YTHDC2: variants seen among roughly 807,000 people sequenced by gnomAD.
YTHDC2 encodes 3'-5' RNA helicase YTHDC2.
Under a neutral mutation model 174.9 loss-of-function variants are expected in YTHDC2, and 45 were observed. That is an observed-to-expected ratio of 0.26 (90% CI 0.20 to 0.33). The LOEUF (loss-of-function observed/expected upper bound fraction) is 0.33. Among genes scored for constraint, YTHDC2 ranks in the 10% least tolerant of loss-of-function variants. The probability of loss-of-function intolerance (pLI) is 1.00; values close to 1 mark genes in which losing one functional copy is unlikely to be tolerated. For missense variants in YTHDC2, 1,650 were observed against 1,723.7 expected (o/e 0.96, Z 0.76); for synonymous variants, 657 against 574.5 (o/e 1.14, Z -2.05).
At chr5:113,557,883 GT>G (rs1474761255) in intron 17 of YTHDC2, among the ~76,000 whole-genome samples, 3 of 152,212 alleles carry the variant, frequency 2.0e-5, no homozygotes, top group African/African-American at 7.2e-5. Context: ...TTCAACAAAT[GT>G]TTATCAAAAG....
At chr5:113,538,802 C>T (rs563380790) in intron 7 of YTHDC2, among the ~76,000 whole-genome samples, 2 of 152,210 alleles carry the variant, frequency 1.3e-5, no homozygotes, top group South Asian at 2.1e-4. Flanking sequence ...TTTCCTCTTA[C>T]AATTTCTACT....
intron 20 of YTHDC2, among the ~76,000 whole-genome samples, chr5:113,565,397 T>C (rs951634202): frequency 2.6e-5 from 4 of 152,198 alleles, no homozygotes; most frequent in African/African-American, 9.6e-5. Context: ...TTCAGTCTTT[T>C]AGTTATATAT....
chr5:113,538,779 G>A (rs978864402), intron 7 of YTHDC2, among the ~76,000 whole-genome samples: 2 of 152,024 alleles, frequency 1.3e-5, no homozygotes, highest in African/African-American at 4.8e-5. Flanking sequence ...CCAGGGAACA[G>A]GAAATAGCTC....
rs879098148 is a variant in YTHDC2 at position 113,548,900 on chromosome 5, A to G, written c.1623-55A>G. The G allele has an allele frequency of 2.6e-5, 40 of 1,539,344 alleles. No individual in the cohort carries two copies. In the South Asian group the frequency reaches 4.7e-4, roughly 18 times the overall value. On this transcript the variant is annotated intron_variant, in intron 11 of 29. Coordinates refer to ENST00000161863, the MANE Select transcript of YTHDC2 (RefSeq NM_022828.5). ...GGTCTTGATGTTGCCCAGGCTCATC[A>G]TGAACTAGTTTTACAATTTTGATGA...
intron 2 of YTHDC2, among the ~76,000 whole-genome samples, chr5:113,524,102 C>T (rs1774055493): frequency 6.6e-6 from 1 of 152,052 alleles, no homozygotes; most frequent in Non-Finnish European, 1.5e-5. Context: ...GGGCTCAGAG[C>T]CATTAAGTAG....
chr5:113,541,353 A>G (rs1395494526), intron 9 of YTHDC2, among the ~76,000 whole-genome samples: 2 of 151,932 alleles, frequency 1.3e-5, no homozygotes, highest in African/African-American at 2.4e-5. Flanking sequence ...CACCATGTCC[A>G]GCTAAATTTT....
At chr5:113,579,759 TATG>T in intron 24 of YTHDC2, 64 bp downstream of exon 24, 1 of 1,422,040 alleles carries the variant, frequency 7.0e-7, no homozygotes, top group Non-Finnish European at 9.3e-7. Context: ...TGATATATAA[TATG>T]ATAAAATTTT....
intron 16 of YTHDC2, among the ~76,000 whole-genome samples, chr5:113,554,569 G>C (rs1776474154): frequency 7.5e-6 from 1 of 133,334 alleles, no homozygotes; most frequent in Non-Finnish European, 1.5e-5. Flanking sequence ...CTTAACACTT[G>C]CTTTTGTAAA....
intron 17 of YTHDC2, among the ~76,000 whole-genome samples, chr5:113,558,861 G>A (rs1776775265): frequency 6.7e-6 from 1 of 149,502 alleles, no homozygotes; most frequent in African/African-American, 2.5e-5. Context: ...GGCAGAGGCT[G>A]CATTGAGCCG....
chr5:113,552,683 G>A (rs895041514), intron 12 of YTHDC2, among the ~76,000 whole-genome samples: 1 of 151,970 alleles, frequency 6.6e-6, no homozygotes, highest in African/African-American at 2.4e-5. Flanking sequence ...ACCTAGGAGT[G>A]GAATTGCTGG....
Position 113,593,320 on chromosome 5 carries a change from T to G in YTHDC2, c.4230T>G (p.Val1410=). 2.5e-6 allele frequency: 4 copies of G among 1,612,736 alleles called. No homozygotes were observed. The highest frequency in any genetic ancestry group is 3.4e-6 in the Non-Finnish European group (4 of 1,179,072). ...TTATCTAGGAACTAGAACCTCTGGTTGGTGAACAGTTGCTCCAGTTATGGG... is the reference window on the plus strand; with the variant it reads ...TTATCTAGGAACTAGAACCTCTGGTGGGTGAACAGTTGCTCCAGTTATGGG... ...SRDGQELEPL[V]GEQLLQLWER... Residue 1410 remains valine (V), a synonymous_variant, in exon 29 of 30, where the codon GTT becomes GTG. Coordinates refer to ENST00000161863, the MANE Select transcript of YTHDC2 (RefSeq NM_022828.5).
chr5:113,592,049 C>A lies in YTHDC2; in HGVS notation c.4083C>A (p.Gly1361=), dbSNP rs375392392. 5.0e-6 allele frequency: 8 copies of A among 1,612,646 alleles called. No homozygotes were observed. In the African/African-American group the frequency reaches 9.4e-5, roughly 19 times the overall value. ...EIGREKSQDW[G]SAGLGGVFKV... ...GAAGGGAAAAGAGTCAGGACTGGGGCTCTGCTGGACTAGGAGGAGTATTTA... is the reference window on the plus strand; with the variant it reads ...GAAGGGAAAAGAGTCAGGACTGGGGATCTGCTGGACTAGGAGGAGTATTTA... The change falls in exon 28 of 30, where the codon GGC becomes GGA. Residue 1361 remains glycine, a synonymous_variant. Coordinates refer to ENST00000161863, the MANE Select transcript of YTHDC2 (RefSeq NM_022828.5).
intron 9 of YTHDC2, 123 bp from the exon 10 acceptor site, chr5:113,542,245 C>G (rs1426433243): frequency 3.0e-6 from 3 of 1,009,906 alleles, no homozygotes; most frequent in African/African-American, 3.3e-5. Flanking sequence ...TTTTTTATGT[C>G]AAAGCATTTG....
At chr5:113,518,151 G>C (rs903965772) in intron 2 of YTHDC2, among the ~76,000 whole-genome samples, 2 of 149,968 alleles carry the variant, frequency 1.3e-5, no homozygotes, top group Admixed American at 1.3e-4. Flanking sequence ...GCCTCCCAAA[G>C]TGCTGGGATT....
intron 11 of YTHDC2, 97 bp from the exon 12 acceptor site, chr5:113,548,857 AT>A: frequency 1.6e-6 from 2 of 1,240,946 alleles, no homozygotes; most frequent in South Asian, 1.9e-5. Flanking sequence ...TTATTTAAAA[AT>A]TTTTTTGAAA....
In YTHDC2 at chr5:113,553,687, G is replaced by A; in HGVS notation, c.1964+1G>A. On this transcript the variant is annotated splice_donor_variant, in intron 14 of 29. Transcript: ENST00000161863. LOFTEE classifies it high-confidence loss of function. ...AGCGGTTTGCTGACAGTACACATAG[G>A]TAAGGGCTAAAGCCTTATATCTGTT... 2 of 1,613,422 alleles carry A rather than the reference G, an allele frequency of 1.2e-6. No homozygotes were observed. The highest frequency in any genetic ancestry group is 1.7e-6 in the Non-Finnish European group (2 of 1,179,526).
intron 26 of YTHDC2, among the ~76,000 whole-genome samples, chr5:113,589,408 A>AAAATATATATATAT (rs368975720): frequency 8.9e-5 from 11 of 123,242 alleles, no homozygotes; most frequent in African/African-American, 1.7e-4. Context: ...AAAAAAAAAA[A>AAAATATATATATAT]ATATATATAT....
At chr5:113,559,469 C>G (rs1776820146) in intron 17 of YTHDC2, among the ~76,000 whole-genome samples, 1 of 152,108 alleles carries the variant, frequency 6.6e-6, no homozygotes, top group Non-Finnish European at 1.5e-5. Context: ...AAATGGATAA[C>G]TCATTTTAAG....
chr5:113,515,180 A>G (rs546581811), intron 1 of YTHDC2, 92 bp from the exon 2 acceptor site: 48 of 808,218 alleles, frequency 5.9e-5, no homozygotes, highest in Admixed American at 9.2e-5. Flanking sequence ...TTGATTGTCT[A>G]TGTATGTTTT....
Sources: allele counts gnomAD v4.1 joint callset (sites outside exome capture counted in the v4.1 genomes callset), GRCh38; gene constraint gnomAD v4.1.1; transcripts MANE v1.5; gene names NCBI Gene and HGNC (gene_info 2026-07-23, HGNC 2026-07-21).